Variants in CSMD1 observed in about 807,000 individuals in gnomAD.
CSMD1 encodes CUB and sushi domain-containing protein 1.
A neutral mutation model predicts 417.5 loss-of-function variants in CSMD1; 213 were observed. That is an observed-to-expected ratio of 0.51 (90% confidence interval 0.46 to 0.57). The LOEUF (loss-of-function observed/expected upper bound fraction) is 0.57, where lower values mean the gene tolerates loss of function less well. Ranked by LOEUF, CSMD1 falls within the 20% of genes least tolerant of loss-of-function variation. The pLI, the probability that CSMD1 is intolerant of heterozygous loss-of-function variation, is 0.00. For synonymous variants in CSMD1, 2,862 were observed against 1,736.8 expected (o/e 1.65, Z -16.11); for missense variants, 6,923 against 4,529.7 (o/e 1.53, Z -15.17).
intron 3 of CSMD1, among the ~76,000 whole-genome samples, chr8:4,320,043 G>C (rs923773598): frequency 3.9e-5 from 6 of 152,150 alleles, no homozygotes; most frequent in African/African-American, 7.2e-5. Context: ...TGAAAAAAAT[G>C]AGTAGTAAAC....
At chr8:3,474,008 A>T (rs1262059799) in intron 11 of CSMD1, among the ~76,000 whole-genome samples, 1 of 152,138 alleles carries the variant, frequency 6.6e-6, no homozygotes, top group Non-Finnish European at 1.5e-5. Context: ...TTATGAGAAC[A>T]GCATGGGGGA....
At chr8:3,125,919 G>C (rs1275340750) in intron 41 of CSMD1, among the ~76,000 whole-genome samples, 1 of 152,226 alleles carries the variant, frequency 6.6e-6, no homozygotes, top group Non-Finnish European at 1.5e-5. Flanking sequence ...AGAGGTTGCA[G>C]TGAGCTGAGA....
At chr8:4,103,924 C>T (rs1367300251) in intron 3 of CSMD1, among the ~76,000 whole-genome samples, 10 of 152,304 alleles carry the variant, frequency 6.6e-5, no homozygotes, top group Admixed American at 2.6e-4. Context: ...CAGCTTTGTG[C>T]CTGTGTTGCA....
intron 3 of CSMD1, among the ~76,000 whole-genome samples, chr8:4,163,622 T>G (rs1797289762): frequency 6.6e-6 from 1 of 152,166 alleles, no homozygotes; most frequent in Admixed American, 6.5e-5. Flanking sequence ...AAAACTCTGT[T>G]GACTATCTAC....
chr8:3,550,326 A>T (rs1798856669), intron 10 of CSMD1, among the ~76,000 whole-genome samples: 1 of 152,078 alleles, frequency 6.6e-6, no homozygotes, highest in Admixed American at 6.5e-5. Flanking sequence ...CATTTCTTGG[A>T]CACAGCAAAC....
chr8:4,872,442 T>G (rs1802790340), intron 1 of CSMD1, among the ~76,000 whole-genome samples: 2 of 151,966 alleles, frequency 1.3e-5, no homozygotes, highest in South Asian at 4.1e-4. Context: ...TCTGACGGTT[T>G]TATAAGAGGA....
intron 10 of CSMD1, among the ~76,000 whole-genome samples, chr8:3,542,140 C>A (rs905333372): frequency 6.6e-6 from 1 of 152,104 alleles, no homozygotes; most frequent in Non-Finnish European, 1.5e-5. Flanking sequence ...TATGGAAATC[C>A]CTTTAAAGTT....
intron 10 of CSMD1, among the ~76,000 whole-genome samples, chr8:3,565,130 G>GAAAAAAAAAA (rs1245870662): frequency 1.2e-3 from 2 of 1,674 alleles, no homozygotes; most frequent in Admixed American, 9.1e-3. Flanking sequence ...GTGCAAGACA[G>GAAAAAAAAAA]CAAAAAAAAA....
chr8:4,765,783 G>C (rs1812425103), intron 1 of CSMD1, among the ~76,000 whole-genome samples: 1 of 152,118 alleles, frequency 6.6e-6, no homozygotes, highest in Non-Finnish European at 1.5e-5. Context: ...AATAGAGAGA[G>C]CCTGGGGGTT....
At chr8:3,706,753 A>C (rs1801190826) in intron 7 of CSMD1, among the ~76,000 whole-genome samples, 1 of 151,076 alleles carries the variant, frequency 6.6e-6, no homozygotes, top group South Asian at 2.1e-4. Context: ...GCAGGGTTTT[A>C]TCATAAAAAT....
chr8:3,983,074 G>T (rs1306279699), intron 5 of CSMD1, among the ~76,000 whole-genome samples: 2 of 151,648 alleles, frequency 1.3e-5, no homozygotes. Context: ...CTTTTCCCCA[G>T]GAGCCTCTAA....
At chr8:3,663,413 G>C (rs551320051) in intron 7 of CSMD1, among the ~76,000 whole-genome samples, 2 of 152,160 alleles carry the variant, frequency 1.3e-5, no homozygotes, top group South Asian at 2.1e-4. Flanking sequence ...AAGACATGTG[G>C]ACAGGAAGGA....
chr8:3,550,614 T>C lies in CSMD1; in HGVS notation c.1344+24331A>G, dbSNP rs946772335. On this transcript the variant is annotated intron_variant, in intron 10 of 69. Coordinates refer to ENST00000635120, the MANE Select transcript of CSMD1 (RefSeq NM_033225.6). Reference sequence around the variant, plus strand: ...AAGTTCCTTTCTCTGACCTCATCAGTCTCCACCCCTTTGCCTAGTGCTGTT... The same window carrying C: ...AAGTTCCTTTCTCTGACCTCATCAGCCTCCACCCCTTTGCCTAGTGCTGTT... Among the ~76,000 whole-genome samples the C allele has an allele frequency of 3.9e-5, 6 of 152,282 alleles. 1 individual carries two copies. Among genetic ancestry groups the C allele is most frequent in the Middle Eastern group, 6.8e-3 (2 of 294 alleles).
rs183493094 is a variant in CSMD1 at position 4,400,362 on chromosome 8, A to C, written c.415+19591T>G. ...TGTGTTATAAATTGTCAAAGCTTCC[A>C]AATGCTTTTCATTTATATATCCATC... On this transcript the variant is annotated intron_variant, in intron 3 of 69. Transcript: ENST00000635120. Among the ~76,000 whole-genome samples, 71 of 152,368 alleles carry C rather than the reference A, an allele frequency of 4.7e-4. 1 individual carries two copies. The highest frequency in any genetic ancestry group is 2.4e-4 in the Non-Finnish European group (16 of 68,040).
intron 1 of CSMD1, among the ~76,000 whole-genome samples, chr8:4,642,142 C>G (rs1417983346): frequency 6.6e-6 from 1 of 152,192 alleles, no homozygotes; most frequent in Non-Finnish European, 1.5e-5. Flanking sequence ...GCAAGATGGG[C>G]AAGTGCTCGG....
chr8:4,039,998 T>C (rs1797804792), intron 3 of CSMD1, among the ~76,000 whole-genome samples: 1 of 152,186 alleles, frequency 6.6e-6, no homozygotes. Context: ...ACAGGTTAAG[T>C]GCCCCATACA....
intron 1 of CSMD1, among the ~76,000 whole-genome samples, chr8:4,735,875 T>C (rs149017728): frequency 6.6e-6 from 1 of 152,310 alleles, no homozygotes; most frequent in African/African-American, 2.4e-5. Context: ...AAGATTTACA[T>C]ACAACACGCT....
At chr8:3,221,014 C>A (rs1169500933) in intron 28 of CSMD1, among the ~76,000 whole-genome samples, 1 of 149,412 alleles carries the variant, frequency 6.7e-6, no homozygotes, top group Non-Finnish European at 1.5e-5. Flanking sequence ...CAGAGAAGGT[C>A]AGGGTTTTTG....
chr8:3,415,774 G>T (rs1020940400), intron 12 of CSMD1, among the ~76,000 whole-genome samples: 2 of 152,162 alleles, frequency 1.3e-5, no homozygotes, highest in African/African-American at 4.8e-5. Context: ...ATTTCAGACT[G>T]AGATCTGGAA....
Sources: gnomAD v4.1 joint callset for allele counts (sites outside exome capture counted in the v4.1 genomes callset) on GRCh38, gnomAD v4.1.1 for gene constraint, MANE v1.5 for transcripts, NCBI Gene and HGNC (gene_info 2026-07-23, HGNC 2026-07-21) for gene names.